SEMA3E: variants seen among roughly 807,000 people sequenced by gnomAD.
SEMA3E encodes the protein semaphorin 3E, also known as semaphorin-3E.
Under a neutral mutation model 93.6 loss-of-function variants are expected in SEMA3E, and 49 were observed. The observed-to-expected ratio is 0.52, with a 90% CI of 0.42 to 0.66. The LOEUF is 0.66. Ranked by LOEUF, SEMA3E falls within the 30% of genes least tolerant of loss-of-function variation. SEMA3E has a pLI of 0.00. For synonymous variants in SEMA3E, 363 were observed against 330.7 expected (o/e 1.10, Z -1.06); for missense variants, 906 against 964.8 (o/e 0.94, Z 0.81).
intron 1 of SEMA3E, among the ~76,000 whole-genome samples, chr7:83,505,510 A>G (rs1790682737): frequency 6.6e-6 from 1 of 152,160 alleles, no homozygotes; most frequent in African/African-American, 2.4e-5. Flanking sequence ...AAACTTCCCC[A>G]TTTGTGGAAG....
intron 1 of SEMA3E, among the ~76,000 whole-genome samples, chr7:83,600,967 G>A (rs1300591417): frequency 6.6e-6 from 1 of 152,152 alleles, no homozygotes; most frequent in African/African-American, 2.4e-5. Context: ...GAAGAATTTT[G>A]AGATGGGGAG....
chr7:83,495,434 G>A (rs533989732), intron 1 of SEMA3E, among the ~76,000 whole-genome samples: 71 of 151,400 alleles, frequency 4.7e-4, no homozygotes, highest in African/African-American at 1.6e-3. Flanking sequence ...CATAGAAATT[G>A]CAGTATGCTT....
chr7:83,383,823 A>T (rs946563970), intron 16 of SEMA3E, among the ~76,000 whole-genome samples: 3 of 152,026 alleles, frequency 2.0e-5, no homozygotes, highest in African/African-American at 7.2e-5. Flanking sequence ...CCACTGATAA[A>T]AGAATTACTT....
rs930498156 is a variant in SEMA3E at position 83,367,655 on chromosome 7, G to A, written c.2259C>T (p.Asn753=). The A allele has an allele frequency of 6.2e-7, 1 of 1,614,142 alleles. No homozygotes were observed. Among genetic ancestry groups the A allele is most frequent in the Non-Finnish European group, 8.5e-7 (1 of 1,180,032 alleles). The change falls in exon 17 of 17, where the codon AAC becomes AAT. Residue 753 remains asparagine (N), a synonymous_variant. Transcript: ENST00000643230. ...KMSPSKWKYA[N]PQEKKLRSKP... is the part of the protein sequence containing the mutation. Reference sequence around the variant, plus strand: ...TGGAACGGAGCTTCTTTTCCTGAGGGTTGGCATACTTCCACTTGGAGGGTG... The same window carrying A: ...TGGAACGGAGCTTCTTTTCCTGAGGATTGGCATACTTCCACTTGGAGGGTG...
At chr7:83,388,110 A>C (rs1314776162) in intron 14 of SEMA3E, among the ~76,000 whole-genome samples, 1 of 148,438 alleles carries the variant, frequency 6.7e-6, no homozygotes, top group Non-Finnish European at 1.5e-5. Flanking sequence ...GGAGTTCGAG[A>C]CCAGCCTGAC....
At chr7:83,387,119 G>A (rs1787897719) in intron 14 of SEMA3E, 69 bp from the exon 15 acceptor site, 4 of 1,260,710 alleles carry the variant, frequency 3.2e-6, no homozygotes, top group Non-Finnish European at 4.6e-6. Context: ...GCAGCCAATT[G>A]CATTTCATAT....
chr7:83,562,103 T>G (rs1220689160), intron 1 of SEMA3E, among the ~76,000 whole-genome samples: 1 of 152,170 alleles, frequency 6.6e-6, no homozygotes, highest in Admixed American at 6.6e-5. Flanking sequence ...ATACGTATAT[T>G]TGAAATGAAA....
chr7:83,478,292 A>T (rs1187909852), intron 2 of SEMA3E, among the ~76,000 whole-genome samples: 1 of 152,218 alleles, frequency 6.6e-6, no homozygotes, highest in African/African-American at 2.4e-5. Flanking sequence ...GAAAGATAAA[A>T]ACTATAGATC....
chr7:83,370,636 G>A (rs1794737447), intron 16 of SEMA3E, among the ~76,000 whole-genome samples: 1 of 151,772 alleles, frequency 6.6e-6, no homozygotes, highest in Non-Finnish European at 1.5e-5. Flanking sequence ...ACTTCTTTAA[G>A]GCTGATTAAT....
intron 16 of SEMA3E, among the ~76,000 whole-genome samples, chr7:83,378,527 A>C (rs1584202885): frequency 6.6e-6 from 1 of 152,056 alleles, no homozygotes; most frequent in South Asian, 2.1e-4. Context: ...AGAGTACACT[A>C]AACTAGCAGT....
At chr7:83,382,222 G>A (rs1279741118) in intron 16 of SEMA3E, among the ~76,000 whole-genome samples, 1 of 152,002 alleles carries the variant, frequency 6.6e-6, no homozygotes, top group Non-Finnish European at 1.5e-5. Context: ...CTGGCTGCAA[G>A]TAACCAGGGG....
chr7:83,567,939 C>T (rs1014692446), intron 1 of SEMA3E, among the ~76,000 whole-genome samples: 3 of 150,590 alleles, frequency 2.0e-5, no homozygotes, highest in Non-Finnish European at 3.0e-5. Flanking sequence ...GTAAAATATA[C>T]AAAGAAAATA....
chr7:83,530,564 T>C (rs1256525982), intron 1 of SEMA3E, among the ~76,000 whole-genome samples: 1 of 152,122 alleles, frequency 6.6e-6, no homozygotes, highest in Non-Finnish European at 1.5e-5. Context: ...CAATTTCCAA[T>C]ATATATTCTT....
intron 1 of SEMA3E, among the ~76,000 whole-genome samples, chr7:83,601,435 T>C (rs1409069506): frequency 3.3e-5 from 5 of 151,908 alleles, no homozygotes; most frequent in Non-Finnish European, 7.4e-5. Context: ...ACTTACTCTT[T>C]TTTTTTTTAT....
At chr7:83,435,523 C>T (rs916647458) in intron 4 of SEMA3E, among the ~76,000 whole-genome samples, 2 of 151,908 alleles carry the variant, frequency 1.3e-5, no homozygotes, top group African/African-American at 2.4e-5. Flanking sequence ...TGGAACCCGG[C>T]AGGCAGAGGC....
intron 1 of SEMA3E, among the ~76,000 whole-genome samples, chr7:83,522,135 T>C (rs907032284): frequency 3.9e-5 from 6 of 152,166 alleles, no homozygotes; most frequent in African/African-American, 1.4e-4. Context: ...TCAGAAATTA[T>C]CAGTTTTCTC....
intron 16 of SEMA3E, among the ~76,000 whole-genome samples, chr7:83,382,543 T>C (rs1246415517): frequency 1.3e-5 from 2 of 151,992 alleles, no homozygotes; most frequent in Non-Finnish European, 2.9e-5. Flanking sequence ...TAGGTACATA[T>C]AAATAATAGC....
At chr7:83,457,228 C>G (rs912828537) in intron 4 of SEMA3E, among the ~76,000 whole-genome samples, 11 of 151,226 alleles carry the variant, frequency 7.3e-5, no homozygotes, top group East Asian at 1.9e-4. Flanking sequence ...CAGAGACAGA[C>G]AGAGAGAGAG....
intron 2 of SEMA3E, among the ~76,000 whole-genome samples, chr7:83,488,484 A>T (rs979365667): frequency 6.6e-5 from 10 of 152,296 alleles, no homozygotes; most frequent in African/African-American, 2.4e-4. Context: ...CAGCAGCTCT[A>T]CTAGAAGTTT....
Sources: allele counts gnomAD v4.1 joint callset (sites outside exome capture counted in the v4.1 genomes callset), GRCh38; gene constraint gnomAD v4.1.1; transcripts MANE v1.5; gene names NCBI Gene and HGNC (gene_info 2026-07-23, HGNC 2026-07-21).